The following SPATA9 variants were observed in gnomAD, a reference collection of about 807,000 sequenced individuals.
SPATA9 encodes spermatogenesis-associated protein 9.
In SPATA9, 27 loss-of-function variants were observed where a neutral mutation model predicts 25.5. That is an observed-to-expected ratio of 1.06 (90% confidence interval 0.78 to 1.46). The LOEUF (loss-of-function observed/expected upper bound fraction) is 1.46. Ranked by LOEUF, SPATA9 falls within the 40% of genes most tolerant of loss-of-function variation. The probability of loss-of-function intolerance (pLI) is 0.00; values close to 1 mark genes in which losing one functional copy is unlikely to be tolerated. For missense variants in SPATA9, 282 were observed against 297.5 expected (o/e 0.95, Z 0.38); for synonymous variants, 102 against 105.7 (o/e 0.97, Z 0.21).
intron 3 of SPATA9, among the ~76,000 whole-genome samples, chr5:95,672,636 A>T (rs1752511227): frequency 6.6e-6 from 1 of 152,210 alleles, no homozygotes; most frequent in African/African-American, 2.4e-5. Flanking sequence ...GTCAGAAAAG[A>T]TAGTCACAGT....
At chr5:95,700,942 A>G (rs1354322505), upstream of SPATA9, among the ~76,000 whole-genome samples, 5 of 152,194 alleles carry the variant, frequency 3.3e-5, no homozygotes, top group Non-Finnish European at 7.3e-5. Flanking sequence ...AGTTACTTAG[A>G]TGAGGTGAAG....
the SPATA9 span, chr5:95,731,658 C>T: frequency 3.4e-4 from 555 of 1,613,106 alleles, 4 homozygotes; most frequent in East Asian, 0.011. Flanking sequence ...CTCCGAGTCG[C>T]CGCCCTGCCC....
In SPATA9 at chr5:95,662,765, A is replaced by T. The variant is rs377055960; in HGVS notation, c.474+1188T>A. Among the ~76,000 whole-genome samples the T allele has an allele frequency of 7.0e-4, 107 of 152,358 alleles. 1 individual carries two copies. The South Asian group carries it at 0.021, about 30-fold the overall frequency. On this transcript the variant is annotated intron_variant, in intron 4 of 4. Coordinates refer to ENST00000274432, the MANE Select transcript of SPATA9 (RefSeq NM_031952.4). ...ATTTTAACAGAAATTAACAAAGAGGATATCCAAATGTCCAACTAATATATG... is the reference window on the plus strand; with the variant it reads ...ATTTTAACAGAAATTAACAAAGAGGTTATCCAAATGTCCAACTAATATATG...
chr5:95,665,585 G>A (rs183424851), intron 3 of SPATA9, among the ~76,000 whole-genome samples: 5 of 152,340 alleles, frequency 3.3e-5, no homozygotes, highest in Admixed American at 2.6e-4. Flanking sequence ...ATTCAATTGT[G>A]TATATAAACC....
the SPATA9 span, among the ~76,000 whole-genome samples, chr5:95,722,774 C>T: frequency 8.2e-3 from 1,243 of 152,310 alleles, 17 homozygotes; most frequent in African/African-American, 0.028. Flanking sequence ...TGAGCCACTG[C>T]GCCCAGCCTA....
At chr5:95,714,193 G>A in the SPATA9 span, among the ~76,000 whole-genome samples, 1 of 152,092 alleles carries the variant, frequency 6.6e-6, no homozygotes, top group Non-Finnish European at 1.5e-5. Flanking sequence ...AGGATCAACT[G>A]GGGATGACTA....
the SPATA9 span, among the ~76,000 whole-genome samples, chr5:95,704,210 T>C: frequency 6.6e-6 from 1 of 152,268 alleles, no homozygotes; most frequent in African/African-American, 2.4e-5. Context: ...AACCCCTGAA[T>C]GCAATATTTT....
intron 2 of SPATA9, among the ~76,000 whole-genome samples, chr5:95,681,968 A>G (rs1753501092): frequency 6.6e-6 from 1 of 152,170 alleles, no homozygotes; most frequent in Non-Finnish European, 1.5e-5. Flanking sequence ...TTCCCTAAAC[A>G]AGTTGTTACT....
rs113136374 is a variant in SPATA9, at chr5:95,672,027, C to A, written c.378+3385G>T. On this transcript the variant is annotated intron_variant, in intron 3 of 4. Coordinates refer to ENST00000274432, the MANE Select transcript of SPATA9 (RefSeq NM_031952.4). ...TTCCCCCCACCCCCAATGCCACGAA[C>A]AAAAAGGGAACTAAAAGCCAGAGCA... Among the ~76,000 whole-genome samples the A allele has an allele frequency of 1.8e-4, 28 of 151,870 alleles. 2 individuals carry two copies. The highest frequency in any genetic ancestry group is 6.8e-4 in the African/African-American group (28 of 41,400).
At chr5:95,658,093 T>A (rs1181281186), downstream of SPATA9, 1 of 151,348 alleles carries the variant, frequency 6.6e-6, no homozygotes, top group Non-Finnish European at 1.5e-5. Flanking sequence ...TATACAGAAA[T>A]CTTCTCATCA....
At chr5:95,658,054 A>C (rs1358445338), downstream of SPATA9, 1 of 152,190 alleles carries the variant, frequency 6.6e-6, no homozygotes, top group Non-Finnish European at 1.5e-5. Context: ...TAAATCTAGA[A>C]ATAAAAATCA....
chr5:95,726,638 A>T, the SPATA9 span, among the ~76,000 whole-genome samples: 1 of 152,308 alleles, frequency 6.6e-6, no homozygotes, highest in East Asian at 1.9e-4. Flanking sequence ...TTTACCTTGC[A>T]ATGTGGCTCC....
In SPATA9 at chr5:95,663,967, C is replaced by G; in HGVS notation, c.460G>C (p.Ala154Pro). The change falls in exon 4 of 5, where the codon GCA (alanine) becomes CCA (proline). Residue 154 changes from alanine to proline, a missense_variant. Transcript: ENST00000274432. ...LTSIIYASYA[A>P]LIYLAVCVNA... ...TCTTAACTTACCAAATAAATTAGTG[C>G]TGCATATGAAGCATATATTATGCTA... is the stretch of plus-strand genomic sequence containing the variant. The G allele has an allele frequency of 6.4e-7, 1 of 1,553,458 alleles. No homozygotes were observed. Among genetic ancestry groups the G allele is most frequent in the East Asian group, 2.3e-5 (1 of 44,072 alleles).
chr5:95,700,562 C>T (rs138166199), upstream of SPATA9, among the ~76,000 whole-genome samples: 3,003 of 152,008 alleles, frequency 0.02, 109 homozygotes, highest in African/African-American at 0.067. Context: ...CCTCCCAAAG[C>T]GCTGGGATTA....
chr5:95,722,597 C>T, the SPATA9 span, among the ~76,000 whole-genome samples: 1 of 152,188 alleles, frequency 6.6e-6, no homozygotes, highest in Non-Finnish European at 1.5e-5. Flanking sequence ...TCAAGCAATT[C>T]TCCTGCCTCA....
downstream of SPATA9, chr5:95,656,428 C>A: frequency 1.4e-6 from 1 of 735,688 alleles, no homozygotes; most frequent in Non-Finnish European, 2.2e-6. Context: ...TTAAAATTCA[C>A]ATACATTTGA....
the SPATA9 span, chr5:95,731,762 T>A: frequency 1.9e-6 from 3 of 1,607,018 alleles, no homozygotes; most frequent in Non-Finnish European, 2.6e-6. Context: ...CTGGTGCCCA[T>A]CCTCGCCGCG....
intron 2 of SPATA9, among the ~76,000 whole-genome samples, chr5:95,680,102 G>C (rs951119680): frequency 6.6e-5 from 10 of 152,154 alleles, no homozygotes; most frequent in African/African-American, 2.4e-4. Flanking sequence ...GTTTCACCGT[G>C]TTAGCCAGGA....
chr5:95,722,764 T>C, the SPATA9 span, among the ~76,000 whole-genome samples: 81 of 152,294 alleles, frequency 5.3e-4, no homozygotes, highest in Non-Finnish European at 7.5e-4. Flanking sequence ...ATTATAGGCG[T>C]GAGCCACTGC....
Sources: gnomAD v4.1 joint callset for allele counts (sites outside exome capture counted in the v4.1 genomes callset) on GRCh38, gnomAD v4.1.1 for gene constraint, MANE v1.5 for transcripts, NCBI Gene and HGNC (gene_info 2026-07-23, HGNC 2026-07-21) for gene names.